Variants in ZFPM2 observed in about 807,000 individuals in gnomAD.
The protein encoded by ZFPM2 is zinc finger protein, FOG family member 2.
A neutral mutation model predicts 98.6 loss-of-function variants in ZFPM2; 20 were observed. The observed-to-expected ratio is 0.20, with a 90% CI of 0.14 to 0.29. The LOEUF (loss-of-function observed/expected upper bound fraction) is 0.29, where lower values mean the gene tolerates loss of function less well. ZFPM2 is among the 10% of genes least tolerant of loss of function. The probability of loss-of-function intolerance (pLI) is 1.00; values close to 1 mark genes in which losing one functional copy is unlikely to be tolerated. For missense variants in ZFPM2, 1,310 were observed against 1,388.6 expected, an observed-to-expected ratio of 0.94 and a Z score of 0.90; for synonymous variants, 518 against 502.7, an observed-to-expected ratio of 1.03 and a Z score of -0.41.
At chr8:105,404,146 A>G (rs540474738) in intron 1 of ZFPM2, among the ~76,000 whole-genome samples, 1 of 152,244 alleles carries the variant, frequency 6.6e-6, no homozygotes, top group South Asian at 2.1e-4. Flanking sequence ...CTGAAGGACA[A>G]GTTGCTTCTT....
chr8:105,714,956 T>A (rs1049349236), intron 5 of ZFPM2, among the ~76,000 whole-genome samples: 1 of 152,138 alleles, frequency 6.6e-6, no homozygotes, highest in Non-Finnish European at 1.5e-5. Flanking sequence ...AAGAAGTTGC[T>A]TATACCATTG....
At chr8:105,621,315 T>TC (rs1816539370) in intron 4 of ZFPM2, among the ~76,000 whole-genome samples, 1 of 152,202 alleles carries the variant, frequency 6.6e-6, no homozygotes, top group Non-Finnish European at 1.5e-5. Flanking sequence ...CACTCATGAT[T>TC]GGCTCTCTGT....
At chr8:105,690,361 C>T (rs1563522676) in intron 5 of ZFPM2, among the ~76,000 whole-genome samples, 2 of 152,276 alleles carry the variant, frequency 1.3e-5, no homozygotes, top group Non-Finnish European at 1.5e-5. Flanking sequence ...TCTCACTTAA[C>T]AATTGAGGAA....
At chr8:105,693,862 A>G (rs1810948789) in intron 5 of ZFPM2, among the ~76,000 whole-genome samples, 1 of 151,960 alleles carries the variant, frequency 6.6e-6, no homozygotes, top group South Asian at 2.1e-4. Context: ...CGTATTTAAG[A>G]TATCCATTAC....
intron 5 of ZFPM2, chr8:105,662,938 C>T (rs1307102738): frequency 6.6e-6 from 1 of 152,010 alleles, no homozygotes; most frequent in Admixed American, 6.6e-5. Flanking sequence ...TTCCGGCACT[C>T]CACCTGCAAT....
At chr8:105,784,703 A>G (rs1813360731) in intron 5 of ZFPM2, 1 of 145,744 alleles carries the variant, frequency 6.9e-6, no homozygotes, top group Non-Finnish European at 1.5e-5. Context: ...GAATGAGGAA[A>G]CTGATAGGTA....
intron 1 of ZFPM2, among the ~76,000 whole-genome samples, chr8:105,357,597 T>C (rs1812772703): frequency 6.6e-6 from 1 of 151,708 alleles, no homozygotes; most frequent in Non-Finnish European, 1.5e-5. Flanking sequence ...TATAACAAAC[T>C]TTTTTTTTCA....
At chr8:105,395,144 G>A (rs1425475001) in intron 1 of ZFPM2, among the ~76,000 whole-genome samples, 2 of 152,122 alleles carry the variant, frequency 1.3e-5, no homozygotes, top group African/African-American at 2.4e-5. Context: ...AATGTCCCCA[G>A]GGCCCAACCA....
chr8:105,640,815 A>C (rs548512167), intron 5 of ZFPM2, among the ~76,000 whole-genome samples: 2 of 152,148 alleles, frequency 1.3e-5, no homozygotes, highest in East Asian at 3.9e-4. Flanking sequence ...CTTTACCTAG[A>C]GGGTATAATG....
At chr8:105,474,436 T>C (rs1224325399) in intron 3 of ZFPM2, among the ~76,000 whole-genome samples, 2 of 152,192 alleles carry the variant, frequency 1.3e-5, no homozygotes, top group African/African-American at 4.8e-5. Context: ...ACCAACAGTT[T>C]AGAACATTAT....
At chr8:105,440,219 C>T (rs1812207907) in intron 2 of ZFPM2, among the ~76,000 whole-genome samples, 1 of 152,104 alleles carries the variant, frequency 6.6e-6, no homozygotes, top group Non-Finnish European at 1.5e-5. Context: ...TGGTAGCTAG[C>T]ATTTAATAGT....
At chr8:105,564,292 A>G (rs2130705880) in intron 4 of ZFPM2, among the ~76,000 whole-genome samples, 1 of 152,106 alleles carries the variant, frequency 6.6e-6, no homozygotes, top group East Asian at 1.9e-4. Flanking sequence ...CAATTTTAAT[A>G]CTTCAGTTTT....
intron 1 of ZFPM2, among the ~76,000 whole-genome samples, chr8:105,346,773 A>C (rs1563614319): frequency 6.6e-6 from 1 of 152,184 alleles, no homozygotes; most frequent in Non-Finnish European, 1.5e-5. Flanking sequence ...GAATGGGTTA[A>C]GGGGTTTTTT....
chr8:105,592,930 C>T (rs1815881901), intron 4 of ZFPM2, among the ~76,000 whole-genome samples: 1 of 152,136 alleles, frequency 6.6e-6, no homozygotes, highest in African/African-American at 2.4e-5. Context: ...TGATTTATGA[C>T]AGGGCTGCAG....
chr8:105,345,256 C>T (rs963307992), intron 1 of ZFPM2, among the ~76,000 whole-genome samples: 14 of 151,866 alleles, frequency 9.2e-5, no homozygotes, highest in African/African-American at 2.9e-4. Flanking sequence ...AATAGGTTAC[C>T]GAATACTATA....
intron 3 of ZFPM2, among the ~76,000 whole-genome samples, chr8:105,500,981 CAATT>C (rs58366110): frequency 0.029 from 4,455 of 152,032 alleles, 211 homozygotes; most frequent in African/African-American, 0.1. Context: ...TCAGGAGAAA[CAATT>C]AATAAAAGCT....
intron 5 of ZFPM2, among the ~76,000 whole-genome samples, chr8:105,650,710 G>T (rs1179119517): frequency 6.6e-6 from 1 of 152,162 alleles, no homozygotes; most frequent in Admixed American, 6.5e-5. Flanking sequence ...TTAATCCTGA[G>T]TTCTAGTTTG....
intron 3 of ZFPM2, among the ~76,000 whole-genome samples, chr8:105,449,312 A>AC (rs1391775452): frequency 6.6e-6 from 1 of 151,890 alleles, no homozygotes; most frequent in African/African-American, 2.4e-5. Flanking sequence ...ACATGTACCC[A>AC]CCCCCACAAT....
intron 3 of ZFPM2, among the ~76,000 whole-genome samples, chr8:105,478,771 A>C (rs1030882041): frequency 2.6e-5 from 4 of 152,220 alleles, no homozygotes; most frequent in African/African-American, 9.6e-5. Context: ...TCTGCTGACC[A>C]CCAGCTTGGG....
Sources: allele counts gnomAD v4.1 joint callset (sites outside exome capture counted in the v4.1 genomes callset), GRCh38; gene constraint gnomAD v4.1.1; transcripts MANE v1.5; gene names NCBI Gene and HGNC (gene_info 2026-07-23, HGNC 2026-07-21).